Variants in DYNC2I1 observed in about 807,000 individuals in gnomAD.
DYNC2I1 encodes cytoplasmic dynein 2 intermediate chain 1.
In DYNC2I1, 89 loss-of-function variants were observed where a neutral mutation model predicts 133.4. The ratio of observed to expected loss-of-function variants is 0.67; its 90% CI spans 0.56 to 0.80. DYNC2I1 has a LOEUF of 0.80. DYNC2I1 is among the 30% of genes least tolerant of loss of function. The pLI is 0.00. For missense variants in DYNC2I1, 1,291 were observed against 1,314.5 expected (o/e 0.98, Z 0.28); for synonymous variants, 504 against 484.3 (o/e 1.04, Z -0.54).
At chr7:158,886,433 C>T (rs1005813555) in intron 6 of DYNC2I1, among the ~76,000 whole-genome samples, 2 of 151,938 alleles carry the variant, frequency 1.3e-5, no homozygotes, top group Admixed American at 6.6e-5. Context: ...TGCGCCCGGC[C>T]GAGAACTTGT....
rs757626446 is a variant in DYNC2I1, at chr7:158,926,225, C to T, written c.2296C>T (p.Gln766Ter). ...LTSVNHRSPL[Q>*]AVEPISTSVH... ...CTCAGTAAACCACCGAAGCCCTCTT[C>T]AAGCAGTAGAACCTATCTCAACGTC... Residue 766 changes from glutamine to a stop codon, truncating the protein, a stop_gained, in exon 18 of 25, where the codon CAA becomes TAA. Coordinates refer to ENST00000407559, the MANE Select transcript of DYNC2I1 (RefSeq NM_018051.5). LOFTEE classifies it high-confidence loss of function. 1.2e-6 allele frequency: 2 copies of T among 1,613,646 alleles called. No homozygotes were observed. The highest frequency in any genetic ancestry group is 2.7e-5 in the African/African-American group (2 of 75,040).
At chr7:158,878,019 G>C (rs1361148374) in intron 4 of DYNC2I1, among the ~76,000 whole-genome samples, 2 of 152,124 alleles carry the variant, frequency 1.3e-5, no homozygotes, top group East Asian at 1.9e-4. Flanking sequence ...TGAGTGCCGG[G>C]TGCCATGTGG....
At chr7:158,920,024 T>C (rs1848865831) in intron 15 of DYNC2I1, among the ~76,000 whole-genome samples, 3 of 149,628 alleles carry the variant, frequency 2.0e-5, no homozygotes, top group African/African-American at 7.5e-5. Flanking sequence ...AGTGTGTGTG[T>C]GTACCACAGC....
intron 1 of DYNC2I1, among the ~76,000 whole-genome samples, chr7:158,859,223 C>CT (rs1386744540): frequency 1.3e-5 from 2 of 151,366 alleles, no homozygotes; most frequent in Non-Finnish European, 2.9e-5. Context: ...TAAGAATATC[C>CT]TTATTATACT....
chr7:158,849,047 G>A, the DYNC2I1 span, among the ~76,000 whole-genome samples: 2 of 152,204 alleles, frequency 1.3e-5, no homozygotes, highest in African/African-American at 4.8e-5. Flanking sequence ...AAAAGGCAAA[G>A]GTTATAATGA....
At chr7:158,840,499 G>T in the DYNC2I1 span, among the ~76,000 whole-genome samples, 1 of 152,252 alleles carries the variant, frequency 6.6e-6, no homozygotes, top group Non-Finnish European at 1.5e-5. Context: ...CCCAGGAGGC[G>T]GAGGTTGCAG....
chr7:158,924,060 G>A (rs192158694), intron 17 of DYNC2I1, among the ~76,000 whole-genome samples: 6 of 152,260 alleles, frequency 3.9e-5, no homozygotes, highest in East Asian at 1.9e-4. Context: ...TCACACTCAC[G>A]TGAGCAAAGC....
intron 1 of DYNC2I1, among the ~76,000 whole-genome samples, chr7:158,860,213 G>C (rs571699550): frequency 6.6e-6 from 1 of 151,980 alleles, no homozygotes; most frequent in Non-Finnish European, 1.5e-5. Context: ...GCACCACTAT[G>C]CTGGGCTAAT....
At chr7:158,863,945 G>A (rs1423573470) in intron 1 of DYNC2I1, among the ~76,000 whole-genome samples, 1 of 135,008 alleles carries the variant, frequency 7.4e-6, no homozygotes, top group Non-Finnish European at 1.6e-5. Context: ...TGGGGGTGGG[G>A]AGCGGGACGT....
At chr7:158,929,289 G>A (rs556634454) in intron 20 of DYNC2I1, among the ~76,000 whole-genome samples, 13 of 152,380 alleles carry the variant, frequency 8.5e-5, no homozygotes, top group South Asian at 4.1e-4. Flanking sequence ...CTGCATAAGC[G>A]AGGTCCAGTC....
rs141937326 is a variant in DYNC2I1, at chr7:158,955,836, C to A, written c.*57-747C>A. Among the ~76,000 whole-genome samples, 744 of 152,322 alleles carry A rather than the reference C, an allele frequency of 4.9e-3. 3 individuals are homozygous for A. Among genetic ancestry groups the A allele is most frequent in the African/African-American group, 0.017 (717 of 41,570 alleles). On this transcript the variant is annotated intron_variant and NMD_transcript_variant, in intron 4 of 4. Transcript: ENST00000454771. ...AGAATAAACACAGCCCTGTGGGGAG[C>A]CACAAAGCTGGAGAAGCATGAGGGA...
intron 1 of DYNC2I1, among the ~76,000 whole-genome samples, chr7:158,864,368 T>A (rs1289580771): frequency 1.3e-5 from 2 of 152,150 alleles, no homozygotes; most frequent in African/African-American, 4.8e-5. Context: ...GGACTCAGGC[T>A]GGAGAGTGCC....
rs1379164741 is a variant in DYNC2I1, at chr7:158,926,437, G to A, written c.2407G>A (p.Asp803Asn). The stretch of plus-strand genomic sequence containing the variant: ...TTTGTCCTTCCACATCGCTTCCTTG[G>A]ATGAGAGTGGGGTTCTCAATGTATG... The part of the protein sequence containing the change: ...SGLSFHIASL[D>N]ESGVLNVWVV... The change falls in exon 19 of 25, where the codon GAT (aspartate) becomes AAT (asparagine). Residue 803 changes from aspartate to asparagine, a missense_variant. Coordinates refer to ENST00000407559, the MANE Select transcript of DYNC2I1 (RefSeq NM_018051.5). 1.9e-6 allele frequency: 3 copies of A among 1,613,472 alleles called. No homozygotes were observed. In the Admixed American group the frequency reaches 5.0e-5, roughly 27 times the overall value.
At chr7:158,870,516 CTAATTTTTTAATTTTT>C (rs11281702) in intron 2 of DYNC2I1, among the ~76,000 whole-genome samples, 137 of 147,900 alleles carry the variant, frequency 9.3e-4, no homozygotes, top group African/African-American at 3.3e-3. Context: ...ACCAGGCTTG[CTAATTTTTTAATTTTT>C]TAATTTTTTA....
chr7:158,847,890 T>G, the DYNC2I1 span, among the ~76,000 whole-genome samples: 1 of 152,196 alleles, frequency 6.6e-6, no homozygotes, highest in Admixed American at 6.5e-5. Context: ...GAGGGTATGA[T>G]GTAAAGGAAT....
At chr7:158,889,723 G>T (rs1845003770) in intron 7 of DYNC2I1, among the ~76,000 whole-genome samples, 1 of 151,914 alleles carries the variant, frequency 6.6e-6, no homozygotes, top group Non-Finnish European at 1.5e-5. Flanking sequence ...TAACAAAAAG[G>T]CCAGGCATGG....
chr7:158,858,484 A>G (rs1273378444), intron 1 of DYNC2I1, among the ~76,000 whole-genome samples: 1 of 152,142 alleles, frequency 6.6e-6, no homozygotes, highest in East Asian at 1.9e-4. Flanking sequence ...TATCATTTGG[A>G]CCATGTCTTT....
intron 7 of DYNC2I1, among the ~76,000 whole-genome samples, chr7:158,890,005 CAAAAAAAAAAA>C (rs35423707): frequency 1.5e-5 from 1 of 67,984 alleles, no homozygotes. Context: ...GACTCCTTCT[CAAAAAAAAAAA>C]AAAAAAAAAA....
At chr7:158,864,662 C>A (rs1255805328) in intron 1 of DYNC2I1, among the ~76,000 whole-genome samples, 1 of 151,142 alleles carries the variant, frequency 6.6e-6, no homozygotes, top group Admixed American at 6.6e-5. Flanking sequence ...GTTGAATCAC[C>A]ATGCTTGGCT....
Sources: gnomAD v4.1 joint callset for allele counts (sites outside exome capture counted in the v4.1 genomes callset) on GRCh38, gnomAD v4.1.1 for gene constraint, MANE v1.5 for transcripts, NCBI Gene and HGNC (gene_info 2026-07-23, HGNC 2026-07-21) for gene names.